Variants in ZNF710 observed in about 807,000 individuals in gnomAD.
ZNF710 encodes the protein zinc finger protein 710.
Under a neutral mutation model 50.6 loss-of-function variants are expected in ZNF710, and 13 were observed. That is an observed-to-expected ratio of 0.26 (90% CI 0.17 to 0.41). The LOEUF is 0.41. ZNF710 is among the 10% of genes least tolerant of loss of function. The pLI is 1.00. For synonymous variants in ZNF710, 383 were observed against 397.0 expected (o/e 0.96, Z 0.42); for missense variants, 721 against 936.6 (o/e 0.77, Z 3.01).
upstream of ZNF710, among the ~76,000 whole-genome samples, chr15:89,998,588 C>T (rs375593177): frequency 2.1e-4 from 32 of 152,306 alleles, no homozygotes; most frequent in Middle Eastern, 3.4e-3. Context: ...CAACCCTGAA[C>T]GTAATCTTAT....
Position 90,073,162 on chromosome 15 carries a change from G to A in ZNF710, c.1550G>A (p.Arg517Gln). ...CACATGCTGATCCACACCAGCGTCC[G>A]GCCCTACCAGTGCCACATCTGCTTC... is the stretch of plus-strand genomic sequence containing the variant. ...KRHMLIHTSV[R>Q]PYQCHICFKT... The change falls in exon 3 of 5, where the codon CGG becomes CAG. Residue 517 changes from arginine (R) to glutamine (Q), a missense_variant. By Grantham distance (43) the Arg-to-Gln change is conservative. This residue lies in a region of ZNF710 where 326 missense variants were observed against 522.0 expected (regional missense o/e 0.62). Coordinates refer to ENST00000268154, the MANE Select transcript of ZNF710 (RefSeq NM_198526.4). The A allele has an allele frequency of 1.9e-6, 3 of 1,614,154 alleles. No individual in the cohort carries two copies. The highest frequency in any genetic ancestry group is 8.5e-7 in the Non-Finnish European group (1 of 1,180,038).
rs971429448 is a variant in ZNF710, at chr15:90,034,011, G to A, written c.-29+32397G>A. On this transcript the variant is annotated intron_variant, in intron 1 of 4. Transcript: ENST00000268154. The surrounding 1 kb of genome is among the most constrained non-coding windows in gnomAD (Gnocchi z 4.0). ...GAGGTCAGGAGTTCAAGACCAGCTT[G>A]GCTAACATGGTGAAACCCTGTCTTT... 7.2e-5 allele frequency among the ~76,000 whole-genome samples: 11 copies of A among 152,100 alleles called. No individual in the cohort carries two copies. Among genetic ancestry groups the A allele is most frequent in the African/African-American group, 2.7e-4 (11 of 41,412 alleles).
chr15:90,049,079 T>G (rs1476712746), intron 1 of ZNF710, among the ~76,000 whole-genome samples: 1 of 152,226 alleles, frequency 6.6e-6, no homozygotes. Context: ...TTAGGGGCCC[T>G]GGGTGACTCA....
chr15:90,050,502 G>T (rs563140161), intron 1 of ZNF710, among the ~76,000 whole-genome samples: 209 of 152,226 alleles, frequency 1.4e-3, no homozygotes, highest in African/African-American at 4.8e-3. Context: ...CCTTCTCTAG[G>T]CCTCCCTGGA....
rs149111907 is a variant in ZNF710 at position 90,073,123 on chromosome 15, C to T, written c.1511C>T (p.Ala504Val). The change falls in exon 3 of 5, where the codon GCG becomes GTG. Residue 504 changes from alanine (A) to valine (V), a missense_variant. Coordinates refer to ENST00000268154, the MANE Select transcript of ZNF710 (RefSeq NM_198526.4). ...TGTGGCCGGGAGTTCACCCTACAGG[C>T]GAACATGAAGCGGCACATGCTGATC... Reference protein sequence around the residue: ...EVCGREFTLQANMKRHMLIHT... With the variant: ...EVCGREFTLQVNMKRHMLIHT... 6 of 1,613,964 alleles carry T rather than the reference C, an allele frequency of 3.7e-6. No individual in the cohort carries two copies. The highest frequency in any genetic ancestry group is 2.2e-5 in the East Asian group (1 of 44,888).
chr15:90,044,893 T>C (rs1394976866), intron 1 of ZNF710, among the ~76,000 whole-genome samples: 1 of 152,110 alleles, frequency 6.6e-6, no homozygotes, highest in Non-Finnish European at 1.5e-5. Flanking sequence ...GGAGTAAAGG[T>C]GGCCCTGCCT....
intron 1 of ZNF710, among the ~76,000 whole-genome samples, chr15:90,035,382 G>A (rs1899090272): frequency 6.6e-6 from 1 of 152,242 alleles, no homozygotes; most frequent in Admixed American, 6.5e-5. Flanking sequence ...TCAGCTCTTG[G>A]TGGACAGGTT....
intron 2 of ZNF710, among the ~76,000 whole-genome samples, chr15:90,070,487 C>G (rs1313290433): frequency 6.6e-6 from 1 of 150,938 alleles, no homozygotes; most frequent in African/African-American, 2.4e-5. Flanking sequence ...GCCTGGCTAA[C>G]ATAGTGAAAC....
At chr15:90,020,287 C>T (rs1240086022) in intron 1 of ZNF710, among the ~76,000 whole-genome samples, 1 of 152,182 alleles carries the variant, frequency 6.6e-6, no homozygotes, top group Non-Finnish European at 1.5e-5. Context: ...CCTGCCGGGA[C>T]CTAGACTGGT....
chr15:90,012,380 C>T (rs1898333235), intron 1 of ZNF710, among the ~76,000 whole-genome samples: 1 of 149,474 alleles, frequency 6.7e-6, no homozygotes, highest in Admixed American at 6.7e-5. Context: ...GCAAGCTCCG[C>T]CCCCCGGGTT....
intron 2 of ZNF710, among the ~76,000 whole-genome samples, chr15:90,071,970 G>A (rs753646224): frequency 5.9e-5 from 9 of 151,324 alleles, no homozygotes; most frequent in Admixed American, 1.3e-4. Context: ...CACCGTGCCC[G>A]GCCTTTTTCA....
At chr15:90,070,230 C>T (rs1293542519) in intron 2 of ZNF710, among the ~76,000 whole-genome samples, 1 of 152,150 alleles carries the variant, frequency 6.6e-6, no homozygotes, top group Non-Finnish European at 1.5e-5. Context: ...CATGGTGCTG[C>T]ACACCTGTAG....
Position 90,034,908 on chromosome 15 carries a change from C to T in ZNF710, c.-28-32202C>T, listed in dbSNP as rs746525518. 2.6e-5 allele frequency among the ~76,000 whole-genome samples: 4 copies of T among 152,206 alleles called. No individual in the cohort carries two copies. Among genetic ancestry groups the T allele is most frequent in the Non-Finnish European group, 5.9e-5 (4 of 68,044 alleles). On this transcript the variant is annotated intron_variant, in intron 1 of 4. Transcript: ENST00000268154. The surrounding 1 kb of genome is among the most constrained non-coding windows in gnomAD (Gnocchi z 4.0). ...GCTCCCAGAAACGATGCTGTTAGGA[C>T]CCTCTGTTCACTCAGAGAAAGAGGC...
At chr15:90,042,347 T>TC (rs1203262625) in intron 1 of ZNF710, among the ~76,000 whole-genome samples, 5 of 150,902 alleles carry the variant, frequency 3.3e-5, no homozygotes, top group Admixed American at 6.6e-5. Flanking sequence ...CCATTGTGTC[T>TC]CCCCCCCACC....
Position 90,067,761 on chromosome 15 carries a change from G to A in ZNF710, c.624G>A (p.Gly208=), listed in dbSNP as rs746420285. The A allele has an allele frequency of 2.5e-6, 4 of 1,590,066 alleles. No individual in the cohort carries two copies. In the African/African-American group the frequency reaches 4.0e-5, roughly 16 times the overall value. The change falls in exon 2 of 5, where the codon GGG becomes GGA. Residue 208 remains glycine (G), a synonymous_variant. Coordinates refer to ENST00000268154, the MANE Select transcript of ZNF710 (RefSeq NM_198526.4). This position sits in a 1 kb window ranked among gnomAD's most constrained non-coding sequence, Gnocchi z 8.1. The stretch of plus-strand genomic sequence containing the variant: ...CCGAGCCCAGCATGGCGCTGCCTGG[G>A]CCAGAGGCCTTGCCCACAGAGTGTG... The part of the protein sequence containing the change: ...GFPEPSMALP[G]PEALPTECGF...
At chr15:90,071,785 T>G (rs1900398191) in intron 2 of ZNF710, among the ~76,000 whole-genome samples, 1 of 151,728 alleles carries the variant, frequency 6.6e-6, no homozygotes, top group Non-Finnish European at 1.5e-5. Context: ...TTTAAGCAAT[T>G]CTACTGCCTC....
chr15:90,015,937 A>G (rs1898443824), intron 1 of ZNF710, among the ~76,000 whole-genome samples: 1 of 152,192 alleles, frequency 6.6e-6, no homozygotes, highest in Admixed American at 6.5e-5. Flanking sequence ...TGCAGTTGTA[A>G]TAAAGAATGG....
At chr15:90,015,959 G>A (rs1898444878) in intron 1 of ZNF710, among the ~76,000 whole-genome samples, 1 of 152,142 alleles carries the variant, frequency 6.6e-6, no homozygotes, top group African/African-American at 2.4e-5. Flanking sequence ...CACGCCCTAT[G>A]TACCAATGTA....
chr15:90,011,913 T>A (rs1366436944), intron 1 of ZNF710, among the ~76,000 whole-genome samples: 1 of 152,176 alleles, frequency 6.6e-6, no homozygotes, highest in African/African-American at 2.4e-5. Context: ...TTGTTGATAT[T>A]AAGAAGCTGG....
Sources: allele counts gnomAD v4.1 joint callset (sites outside exome capture counted in the v4.1 genomes callset), GRCh38; gene constraint gnomAD v4.1.1; regional missense constraint gnomAD v4.1.1; non-coding constraint Gnocchi (gnomAD v3.1); transcripts MANE v1.5; gene names NCBI Gene and HGNC (gene_info 2026-07-23, HGNC 2026-07-21).